Variants in FAM184B observed in about 807,000 individuals in gnomAD.
The protein encoded by FAM184B is protein FAM184B.
A neutral mutation model predicts 135.9 loss-of-function variants in FAM184B; 111 were observed. That is an observed-to-expected ratio of 0.82 (90% CI 0.70 to 0.96). The LOEUF (loss-of-function observed/expected upper bound fraction) is 0.96. FAM184B is among the 40% of genes least tolerant of loss of function. The pLI is 0.00. For missense variants in FAM184B, 1,375 were observed against 1,323.9 expected (o/e 1.04, Z -0.60); for synonymous variants, 552 against 524.8 (o/e 1.05, Z -0.71).
intron 1 of FAM184B, among the ~76,000 whole-genome samples, chr4:17,777,111 G>A (rs1718943786): frequency 6.6e-6 from 1 of 152,136 alleles, no homozygotes. Context: ...AAACTCAAAT[G>A]TCCATCAGCT....
intron 7 of FAM184B, among the ~76,000 whole-genome samples, chr4:17,666,469 CT>C (rs386399397): frequency 2.3e-4 from 13 of 57,160 alleles, no homozygotes; most frequent in African/African-American, 7.2e-4. Flanking sequence ...GTGCCTGGTT[CT>C]TTTTTTTTTT....
intron 1 of FAM184B, among the ~76,000 whole-genome samples, chr4:17,743,208 G>A (rs1718084793): frequency 6.6e-6 from 1 of 152,208 alleles, no homozygotes; most frequent in Non-Finnish European, 1.5e-5. Context: ...AGTATGAGAG[G>A]TGTAAGTATC....
chr4:17,674,565 T>G (rs1716267886), intron 7 of FAM184B, among the ~76,000 whole-genome samples: 1 of 152,154 alleles, frequency 6.6e-6, no homozygotes, highest in African/African-American at 2.4e-5. Context: ...CAATGAAGTT[T>G]GCCACATCGC....
chr4:17,677,861 T>A (rs1716347906), intron 7 of FAM184B, among the ~76,000 whole-genome samples: 1 of 152,168 alleles, frequency 6.6e-6, no homozygotes, highest in Non-Finnish European at 1.5e-5. Context: ...GCGGGGATGG[T>A]TTAACATATG....
intron 7 of FAM184B, among the ~76,000 whole-genome samples, chr4:17,683,712 T>TA (rs1016771494): frequency 6.6e-6 from 1 of 152,172 alleles, no homozygotes; most frequent in Non-Finnish European, 1.5e-5. Flanking sequence ...GGTTTGTTTT[T>TA]AAAAAAATGA....
intron 11 of FAM184B, 23 bp downstream of exon 11, chr4:17,652,807 T>C (rs1320558175): frequency 6.5e-7 from 1 of 1,539,532 alleles, no homozygotes; most frequent in African/African-American, 1.4e-5. Context: ...CAGGCCCTCC[T>C]CAGTACACTA....
rs185074692 is a variant in FAM184B at position 17,757,133 on chromosome 4, A to G, written c.141+24026T>C. On this transcript the variant is annotated intron_variant, in intron 1 of 17. Coordinates refer to ENST00000265018, the MANE Select transcript of FAM184B (RefSeq NM_015688.2). ...CCTGAATCGAATCAATCTTCTAGAC[A>G]TAACTACAAATTCATAGGAAATATA... Among the ~76,000 whole-genome samples the G allele has an allele frequency of 7.2e-3, 1,091 of 152,310 alleles. 4 individuals are homozygous for G. The highest frequency in any genetic ancestry group is 0.014 in the Middle Eastern group (4 of 294).
chr4:17,632,739 C>G, intron 17 of FAM184B, 114 bp from the exon 18 acceptor site: 1 of 693,346 alleles, frequency 1.4e-6, no homozygotes, highest in Non-Finnish European at 2.4e-6. Context: ...CAAAAACACC[C>G]AAATGGGACT....
chr4:17,659,385 G>GC (rs1431254521), intron 9 of FAM184B, among the ~76,000 whole-genome samples: 3 of 152,108 alleles, frequency 2.0e-5, no homozygotes, highest in African/African-American at 4.8e-5. Context: ...GGGATTACAG[G>GC]TGTGAACCAC....
Position 17,647,762 on chromosome 4 carries a change from G to C in FAM184B, c.2221C>G (p.Gln741Glu), listed in dbSNP as rs1272461452. Residue 741 changes from glutamine (Q) to glutamate (E), a missense_variant, in exon 12 of 18, where the codon CAA becomes GAA. Coordinates refer to ENST00000265018, the MANE Select transcript of FAM184B (RefSeq NM_015688.2). ...ESLRQELSEQQAACSGHQKDL... is the reference protein window; with the variant it reads ...ESLRQELSEQEAACSGHQKDL... ...TTCTGGTGCCCAGAACAGGCAGCTT[G>C]CTGCTCCGACAGCTCCTGTCTGAGC... The C allele has an allele frequency of 2.6e-6, 4 of 1,550,644 alleles. No individual in the cohort carries two copies. Among genetic ancestry groups the C allele is most frequent in the Admixed American group, 2.0e-5 (1 of 50,982 alleles).
At chr4:17,734,711 G>A (rs567680583) in intron 1 of FAM184B, among the ~76,000 whole-genome samples, 207 of 149,300 alleles carry the variant, frequency 1.4e-3, no homozygotes, top group Non-Finnish European at 6.8e-4. Flanking sequence ...GGAGAAATAG[G>A]AACACTTTTA....
intron 6 of FAM184B, 109 bp downstream of exon 6, chr4:17,693,193 C>T: frequency 1.4e-6 from 1 of 734,208 alleles, no homozygotes; most frequent in Non-Finnish European, 2.2e-6. Flanking sequence ...GCCTGCCTGT[C>T]TGGCTGAGTG....
At chr4:17,738,342 G>T (rs1203639905) in intron 1 of FAM184B, among the ~76,000 whole-genome samples, 1 of 152,034 alleles carries the variant, frequency 6.6e-6, no homozygotes, top group African/African-American at 2.4e-5. Flanking sequence ...TCAATGCAGA[G>T]ATATGAGTTG....
intron 1 of FAM184B, among the ~76,000 whole-genome samples, chr4:17,741,227 G>C (rs932835059): frequency 1.3e-5 from 2 of 152,174 alleles, no homozygotes; most frequent in African/African-American, 4.8e-5. Context: ...AGTGATATGT[G>C]CTCAAAGAAA....
chr4:17,649,863 C>T (rs1341617465), intron 11 of FAM184B, among the ~76,000 whole-genome samples: 15 of 104,272 alleles, frequency 1.4e-4, no homozygotes, highest in Non-Finnish European at 1.8e-4. Context: ...CATCCATCCA[C>T]CCACTCATCC....
intron 1 of FAM184B, among the ~76,000 whole-genome samples, chr4:17,722,253 G>T (rs1480634684): frequency 2.0e-5 from 3 of 152,198 alleles, no homozygotes; most frequent in Non-Finnish European, 2.9e-5. Context: ...ACACAGAGCG[G>T]AGCTTCAGTG....
Position 17,642,123 on chromosome 4 carries a change from C to T in FAM184B, c.2452G>A (p.Val818Met). The T allele has an allele frequency of 6.5e-7, 1 of 1,533,276 alleles. No individual in the cohort carries two copies. 95.0% of individuals were successfully genotyped at this position (1,533,276 alleles called of 1,614,324 possible). Residue 818 changes from valine to methionine, a missense_variant, in exon 13 of 18, where the codon GTG becomes ATG. Physicochemically the swap from Val to Met is conservative, Grantham distance 21. Transcript: ENST00000265018. The part of the protein sequence containing the change: ...WEENAQLQDA[V>M]RRLRAEVEQH... ...TCCACCTCCGCGCGCAGCCGCCGCA[C>T]CGCGTCCTGGAGCTGCGCGTTCTCC...
In FAM184B at chr4:17,647,705, C is replaced by T. The variant is rs1033519348; in HGVS notation, c.2278G>A (p.Ala760Thr). The change falls in exon 12 of 18, where the codon GCT (alanine) becomes ACT (threonine). Residue 760 changes from alanine (A) to threonine (T), a missense_variant. Transcript: ENST00000265018. ...CTGCTGGCTTGCTGTCTGCCCAGAG[C>T]CCTCAGCTCGGCCTGCAGTGCCTCC... ...DLEALQAELR[A>T]LGRQQASSQC... The T allele has an allele frequency of 6.4e-7, 1 of 1,550,914 alleles. No homozygotes were observed. The highest frequency in any genetic ancestry group is 1.4e-5 in the African/African-American group (1 of 73,030).
At chr4:17,759,950 C>A (rs1471332271) in intron 1 of FAM184B, among the ~76,000 whole-genome samples, 2 of 152,174 alleles carry the variant, frequency 1.3e-5, no homozygotes, top group Non-Finnish European at 1.5e-5. Flanking sequence ...TCTTAGGTAA[C>A]TTTCAGGGGC....
Sources: gnomAD v4.1 joint callset for allele counts (sites outside exome capture counted in the v4.1 genomes callset) on GRCh38, gnomAD v4.1.1 for gene constraint, MANE v1.5 for transcripts, NCBI Gene and HGNC (gene_info 2026-07-23, HGNC 2026-07-21) for gene names.